Variants in MTUS2 observed in about 807,000 individuals in gnomAD.
MTUS2 encodes microtubule-associated tumor suppressor candidate 2.
A neutral mutation model predicts 114.1 loss-of-function variants in MTUS2; 40 were observed. That is an observed-to-expected ratio of 0.35 (90% CI 0.27 to 0.46). The LOEUF (loss-of-function observed/expected upper bound fraction) is 0.46. Among genes scored for constraint, MTUS2 ranks in the 20% least tolerant of loss-of-function variants. The pLI is 1.00. For missense variants in MTUS2, 1,679 were observed against 1,705.4 expected (o/e 0.98, Z 0.27); for synonymous variants, 688 against 672.0 (o/e 1.02, Z -0.37).
intron 11 of MTUS2, among the ~76,000 whole-genome samples, chr13:29,492,022 G>T (rs1384300516): frequency 2.1e-3 from 4 of 1,928 alleles, no homozygotes; most frequent in African/African-American, 0.012. Context: ...TGTGTGGTAG[G>T]TGTGTGTGTA....
At chr13:29,192,711 G>A (rs892657202) in intron 5 of MTUS2, among the ~76,000 whole-genome samples, 6 of 151,818 alleles carry the variant, frequency 4.0e-5, no homozygotes, top group Non-Finnish European at 8.8e-5. Context: ...CTTATGATTC[G>A]CCTAAAAAAA....
At chr13:28,919,380 T>C (rs1380162028) in intron 2 of MTUS2, among the ~76,000 whole-genome samples, 1 of 152,196 alleles carries the variant, frequency 6.6e-6, no homozygotes, top group Non-Finnish European at 1.5e-5. Flanking sequence ...CTTCAGCACT[T>C]TAAATATGTT....
chr13:29,493,160 T>C (rs1882308393), intron 12 of MTUS2, among the ~76,000 whole-genome samples: 1 of 152,188 alleles, frequency 6.6e-6, no homozygotes, highest in Non-Finnish European at 1.5e-5. Context: ...TGCAGTTACC[T>C]GGAGGTGGCT....
At chr13:29,027,147 T>C (rs1886596821) in intron 3 of MTUS2, among the ~76,000 whole-genome samples, 1 of 152,242 alleles carries the variant, frequency 6.6e-6, no homozygotes. Context: ...CATTTAAATT[T>C]CACTTGCTAT....
rs529301064 is a variant in MTUS2, at chr13:28,906,831, C to T, written c.-243+66981C>T. On this transcript the variant is annotated intron_variant, in intron 2 of 15. Transcript: ENST00000612955. ...GAACCAAGTTGGAAAACACTTTGCA[C>T]GGTGTTATCCAGGAGAACTTCCCCA... Among the ~76,000 whole-genome samples, 19 of 151,560 alleles carry T rather than the reference C, an allele frequency of 1.3e-4. 1 individual carries two copies. In the South Asian group the frequency reaches 2.5e-3, roughly 20 times the overall value.
rs34032510 is a variant in MTUS2, at chr13:29,121,436, TACACAC to T, written c.2644+20484_2644+20489del. ...ATCAAATTAATTTTATGTAATGAAATACACACACACACACACACACACATGCAAGAG... is the reference window on the plus strand; with the variant it reads ...ATCAAATTAATTTTATGTAATGAAATACACACACACACACACATGCAAGAG... On this transcript the variant is annotated intron_variant, in intron 5 of 15. Transcript: ENST00000612955. Among the ~76,000 whole-genome samples the T allele has an allele frequency of 8.1e-3, 1,225 of 150,326 alleles. 18 individuals carry two copies. The highest frequency in any genetic ancestry group is 0.011 in the Non-Finnish European group (762 of 67,548).
chr13:29,195,688 C>A (rs977127873), intron 5 of MTUS2, among the ~76,000 whole-genome samples: 1 of 152,122 alleles, frequency 6.6e-6, no homozygotes, highest in Non-Finnish European at 1.5e-5. Context: ...CCCACCCAGC[C>A]TGGGCCAGTC....
chr13:29,483,871 T>A (rs1465249504), intron 10 of MTUS2: 1 of 152,146 alleles, frequency 6.6e-6, no homozygotes, highest in Non-Finnish European at 1.5e-5. Flanking sequence ...ACACATGCAT[T>A]TTCCTTTTTT....
rs3120223 is a variant in MTUS2, at chr13:29,246,285, G to T, written c.2645-35419G>T. ...ACAGCAGGCAAGAACACTAGGGAAG[G>T]AAGGAAACTATGAGAAGATAAAGGG... On this transcript the variant is annotated intron_variant, in intron 5 of 15. Transcript: ENST00000612955. Among the ~76,000 whole-genome samples, 708 of 152,294 alleles carry T rather than the reference G, an allele frequency of 4.6e-3. 11 individuals carry two copies. Among genetic ancestry groups the T allele is most frequent in the African/African-American group, 0.016 (681 of 41,562 alleles).
chr13:29,277,411 T>C (rs116245389), intron 5 of MTUS2, among the ~76,000 whole-genome samples: 1 of 152,222 alleles, frequency 6.6e-6, no homozygotes, highest in African/African-American at 2.4e-5. Context: ...CTGGAACTTA[T>C]ATGCAAAAGT....
intron 2 of MTUS2, among the ~76,000 whole-genome samples, chr13:29,002,977 G>T (rs1396249752): frequency 6.6e-6 from 1 of 152,142 alleles, no homozygotes; most frequent in Non-Finnish European, 1.5e-5. Context: ...TCAAAGATTA[G>T]ACTCCAATTG....
In MTUS2 at chr13:28,958,921, A is replaced by G. The variant is rs1207916497; in HGVS notation, c.-242-65536A>G. Among the ~76,000 whole-genome samples, 43 of 152,266 alleles carry G rather than the reference A, an allele frequency of 2.8e-4. 1 individual carries two copies. Among genetic ancestry groups the G allele is most frequent in the Admixed American group, 2.8e-3 (43 of 15,288 alleles). On this transcript the variant is annotated intron_variant, in intron 2 of 15. Coordinates refer to ENST00000612955, the MANE Select transcript of MTUS2 (RefSeq NM_001033602.4). Reference sequence around the variant, plus strand: ...ATATTTAACAAATTTTTAAAAAATTAGTATTTAAAAAAACAAGCTGGACTT... The same window carrying G: ...ATATTTAACAAATTTTTAAAAAATTGGTATTTAAAAAAACAAGCTGGACTT...
chr13:29,028,761 G>A (rs1489637398), intron 3 of MTUS2, among the ~76,000 whole-genome samples: 2 of 152,038 alleles, frequency 1.3e-5, no homozygotes, highest in African/African-American at 4.8e-5. Flanking sequence ...ATGAGGGAAG[G>A]GATTGTTTTC....
chr13:29,389,289 A>ATGTGTG (rs1491419672), intron 8 of MTUS2, among the ~76,000 whole-genome samples: 5 of 103,212 alleles, frequency 4.8e-5, no homozygotes, highest in Admixed American at 8.6e-5. Context: ...ATGTATACAC[A>ATGTGTG]TATGTGTGTA....
Position 29,041,922 on chromosome 13 carries a change from T to G in MTUS2, c.2446+7797T>G, listed in dbSNP as rs535472283. 2.3e-3 allele frequency among the ~76,000 whole-genome samples: 356 copies of G among 152,306 alleles called. 2 individuals carry two copies. Among genetic ancestry groups the G allele is most frequent in the African/African-American group, 8.2e-3 (342 of 41,578 alleles). On this transcript the variant is annotated intron_variant, in intron 4 of 15. Coordinates refer to ENST00000612955, the MANE Select transcript of MTUS2 (RefSeq NM_001033602.4). ...TATATCATTGGTGAACAGTGACAGT[T>G]TGACTTCGTCTTTACTGATTTGGAT... is the stretch of plus-strand genomic sequence containing the variant.
At chr13:29,249,039 G>A (rs950068474) in intron 5 of MTUS2, among the ~76,000 whole-genome samples, 1 of 152,184 alleles carries the variant, frequency 6.6e-6, no homozygotes, top group African/African-American at 2.4e-5. Context: ...CCAGGCTGGA[G>A]TGCAGTGGTG....
intron 2 of MTUS2, among the ~76,000 whole-genome samples, chr13:29,016,145 C>T (rs185188617): frequency 1.3e-5 from 2 of 152,216 alleles, no homozygotes; most frequent in African/African-American, 2.4e-5. Flanking sequence ...CCTCATGATC[C>T]ACCCACCTCA....
At chr13:29,175,367 C>T (rs1240830581) in intron 5 of MTUS2, among the ~76,000 whole-genome samples, 1 of 152,044 alleles carries the variant, frequency 6.6e-6, no homozygotes, top group Non-Finnish European at 1.5e-5. Flanking sequence ...GCTGTCTGTC[C>T]CTTCATAATC....
At chr13:29,286,027 G>C (rs1327502921) in intron 6 of MTUS2, among the ~76,000 whole-genome samples, 1 of 152,162 alleles carries the variant, frequency 6.6e-6, no homozygotes, top group Non-Finnish European at 1.5e-5. Context: ...CTGCTTTCAA[G>C]TGATTCTCCT....
Sources: gnomAD v4.1 joint callset for allele counts (sites outside exome capture counted in the v4.1 genomes callset) on GRCh38, gnomAD v4.1.1 for gene constraint, MANE v1.5 for transcripts, NCBI Gene and HGNC (gene_info 2026-07-23, HGNC 2026-07-21) for gene names.